STRN3: variants seen among roughly 807,000 people sequenced by gnomAD.
STRN3 encodes striatin 3.
In STRN3, 29 loss-of-function variants were observed where a neutral mutation model predicts 95.6. The ratio of observed to expected loss-of-function variants is 0.30; its 90% CI spans 0.23 to 0.41. STRN3 has a LOEUF of 0.41. STRN3 is among the 10% of genes least tolerant of loss of function. STRN3 has a pLI of 1.00. For synonymous variants in STRN3, 331 were observed against 357.6 expected (o/e 0.93, Z 0.84); for missense variants, 890 against 972.1 (o/e 0.92, Z 1.12).
chr14:30,913,499 A>G, intron 10 of STRN3, 25 bp downstream of exon 10: 1 of 1,562,210 alleles, frequency 6.4e-7, no homozygotes, highest in Non-Finnish European at 8.6e-7. Context: ...AATCATTAAA[A>G]AATTAAAAAT....
In STRN3 at chr14:30,946,928, G is replaced by A. The variant is rs527513170; in HGVS notation, c.716+162C>T. Among the ~76,000 whole-genome samples, 134 of 149,442 alleles carry A rather than the reference G, an allele frequency of 9.0e-4. 5 individuals are homozygous for A. In the South Asian group the frequency reaches 0.024, roughly 27 times the overall value. On this transcript the variant is annotated intron_variant, in intron 5 of 17. Transcript: ENST00000357479. ...TGGGAGGCGGAGGTTGCAGTGAGCCGAGATCGTACCATTGCACTCCAGCTT... is the reference window on the plus strand; with the variant it reads ...TGGGAGGCGGAGGTTGCAGTGAGCCAAGATCGTACCATTGCACTCCAGCTT...
At chr14:30,981,367 G>A (rs1452808194) in intron 1 of STRN3, among the ~76,000 whole-genome samples, 1 of 152,064 alleles carries the variant, frequency 6.6e-6, no homozygotes, top group Non-Finnish European at 1.5e-5. Flanking sequence ...ACCCACACCT[G>A]TTAATGGTCA....
chr14:30,971,814 C>G (rs1336642110), intron 1 of STRN3, among the ~76,000 whole-genome samples: 2 of 152,136 alleles, frequency 1.3e-5, no homozygotes, highest in South Asian at 2.1e-4. Flanking sequence ...AGCCTCAATT[C>G]TTCCCTTGCA....
intron 8 of STRN3, among the ~76,000 whole-genome samples, chr14:30,924,365 G>A (rs1896965253): frequency 7.5e-6 from 1 of 133,488 alleles, no homozygotes; most frequent in Non-Finnish European, 1.5e-5. Flanking sequence ...CTGACTCACT[G>A]CAACCTCCGT....
intron 13 of STRN3, among the ~76,000 whole-genome samples, chr14:30,908,647 T>C (rs1309470302): frequency 2.0e-5 from 3 of 152,216 alleles, no homozygotes; most frequent in Non-Finnish European, 4.4e-5. Flanking sequence ...AAATTGTTTC[T>C]TCTTTAGTGT....
In STRN3 at chr14:30,894,177, T is replaced by G. The variant is rs1405865645; in HGVS notation, c.*1234A>C. On this transcript the variant is annotated 3_prime_UTR_variant, in exon 18 of 18. Transcript: ENST00000357479. ...GATAACTAGTCAAAACACAGCAGATTTCTGTATCCTGATTCAACTATTTTT... is the reference window on the plus strand; with the variant it reads ...GATAACTAGTCAAAACACAGCAGATGTCTGTATCCTGATTCAACTATTTTT... 3 of 152,470 alleles carry G rather than the reference T, an allele frequency of 2.0e-5. No homozygotes were observed. In the East Asian group the frequency reaches 5.8e-4, roughly 29 times the overall value. The allele number at this position is 152,470 out of a possible 1,614,324, so 9.4% of individuals were successfully genotyped here.
intron 1 of STRN3, among the ~76,000 whole-genome samples, chr14:31,007,060 C>T (rs1362580416): frequency 1.3e-5 from 2 of 152,004 alleles, no homozygotes; most frequent in African/African-American, 4.8e-5. Context: ...AAAATACAGA[C>T]ATTTTTTAAA....
intron 13 of STRN3, 88 bp from the exon 14 acceptor site, chr14:30,907,132 G>T: frequency 1.4e-6 from 2 of 1,440,384 alleles, no homozygotes; most frequent in Non-Finnish European, 1.9e-6. Context: ...ATATAACTGA[G>T]CATAAAGAAC....
At chr14:30,977,812 A>AAAAAAAGAAAAAAAAAAAAAAAAC (rs1566470880) in intron 1 of STRN3, among the ~76,000 whole-genome samples, 1 of 136,988 alleles carries the variant, frequency 7.3e-6, no homozygotes, top group Non-Finnish European at 1.5e-5. Flanking sequence ...AAAAAAAAAA[A>AAAAAAAGAAAAAAAAAAAAAAAAC]AAAAACATGA....
intron 7 of STRN3, 21 bp downstream of exon 7, chr14:30,935,142 G>C: frequency 6.2e-7 from 1 of 1,609,744 alleles, no homozygotes; most frequent in Non-Finnish European, 8.5e-7. Context: ...CCTCCCACCC[G>C]GTATTTCTTT....
chr14:30,994,402 A>T (rs1475272055), intron 1 of STRN3, among the ~76,000 whole-genome samples: 1 of 152,234 alleles, frequency 6.6e-6, no homozygotes, highest in Non-Finnish European at 1.5e-5. Context: ...CAGACTTTTT[A>T]AAAAGGTGAA....
intron 1 of STRN3, among the ~76,000 whole-genome samples, chr14:30,992,792 T>C (rs946682037): frequency 1.1e-4 from 16 of 152,030 alleles, no homozygotes; most frequent in East Asian, 1.9e-4. Context: ...GGCGGTAAGA[T>C]TGTTTGAGCC....
At chr14:30,949,637 T>C (rs1879542607) in intron 4 of STRN3, among the ~76,000 whole-genome samples, 1 of 152,008 alleles carries the variant, frequency 6.6e-6, no homozygotes, top group South Asian at 2.1e-4. Context: ...TGAGCAGAGA[T>C]TGTGCCACTG....
chr14:30,918,604 T>C (rs1028171774), intron 9 of STRN3, among the ~76,000 whole-genome samples: 2 of 152,202 alleles, frequency 1.3e-5, no homozygotes, highest in Admixed American at 1.3e-4. Flanking sequence ...TTCCTAAATT[T>C]AAGCAATAAG....
intron 13 of STRN3, 49 bp downstream of exon 13, chr14:30,910,992 T>C (rs561651122): frequency 4.4e-6 from 7 of 1,582,760 alleles, no homozygotes; most frequent in South Asian, 1.1e-5. Context: ...TATTTACTTT[T>C]GTCAGCTCCA....
chr14:30,988,348 G>A (rs1881794413), intron 1 of STRN3, among the ~76,000 whole-genome samples: 1 of 152,048 alleles, frequency 6.6e-6, no homozygotes, highest in Non-Finnish European at 1.5e-5. Flanking sequence ...GCTGTTCCAG[G>A]TATTAACTTT....
chr14:30,958,063 A>C lies in STRN3; in HGVS notation c.283-1821T>G, dbSNP rs569709869. On this transcript the variant is annotated intron_variant, in intron 1 of 17. Transcript: ENST00000357479. ...CCCTAAAAAAAGTTTGTATGAAATT[A>C]TCTACAACTTCTTAACACCTGAGAA... Among the ~76,000 whole-genome samples the C allele has an allele frequency of 2.0e-5, 3 of 152,354 alleles. No individual in the cohort carries two copies. In the South Asian group the frequency reaches 6.2e-4, roughly 32 times the overall value.
At chr14:30,959,560 A>G (rs73257945) in intron 1 of STRN3, among the ~76,000 whole-genome samples, 1,610 of 152,300 alleles carry the variant, frequency 0.011, 33 homozygotes, top group African/African-American at 0.036. Context: ...TCAGTACAGG[A>G]TCATTAACAA....
chr14:30,914,807 T>C (rs891675250), intron 9 of STRN3, among the ~76,000 whole-genome samples: 1 of 152,250 alleles, frequency 6.6e-6, no homozygotes, highest in East Asian at 1.9e-4. Context: ...CAGGTTGAGC[T>C]TCACTTAGTT....
Sources: gnomAD v4.1 joint callset for allele counts (sites outside exome capture counted in the v4.1 genomes callset) on GRCh38, gnomAD v4.1.1 for gene constraint, MANE v1.5 for transcripts, NCBI Gene and HGNC (gene_info 2026-07-23, HGNC 2026-07-21) for gene names.